ADAR: variants seen among roughly 807,000 people sequenced by gnomAD.
The protein encoded by ADAR is adenosine deaminase RNA specific, also known as double-stranded RNA-specific adenosine deaminase.
A neutral mutation model predicts 113.2 loss-of-function variants in ADAR; 41 were observed. The observed-to-expected ratio is 0.36, with a 90% CI of 0.28 to 0.47. ADAR has a LOEUF of 0.47. Ranked by LOEUF, ADAR falls within the 20% of genes least tolerant of loss-of-function variation. The pLI is 1.00. For synonymous variants in ADAR, 605 were observed against 572.6 expected (o/e 1.06, Z -0.81); for missense variants, 1,242 against 1,540.9 (o/e 0.81, Z 3.25).
chr1:154,589,558 A>G (rs1696985213), intron 8 of ADAR, 96 bp from the exon 9 acceptor site: 1 of 1,274,090 alleles, frequency 7.8e-7, no homozygotes. Context: ...AGGCAGAAAC[A>G]GCCTCAGTTT....
At position 154,584,769 on chromosome 1, in the gene ADAR, G is replaced by A; in HGVS notation, c.*37C>T. The stretch of plus-strand genomic sequence containing the variant: ...TACGACCTACCTCTCTCACACCCTA[G>A]TATGACACACCCTAATCCATCTGTC... On this transcript the variant is annotated 3_prime_UTR_variant, in exon 15 of 15. Transcript: ENST00000368474. The A allele has an allele frequency of 6.5e-7, 1 of 1,548,984 alleles. No individual in the cohort carries two copies. Among genetic ancestry groups the A allele is most frequent in the Non-Finnish European group, 8.9e-7 (1 of 1,121,874 alleles).
At chr1:154,608,386 T>C (rs1350538656), upstream of ADAR, among the ~76,000 whole-genome samples, 5 of 149,704 alleles carry the variant, frequency 3.3e-5, no homozygotes, top group African/African-American at 1.2e-4. Context: ...TGGAGTGCAA[T>C]GGCGCAATCT....
upstream of ADAR, among the ~76,000 whole-genome samples, chr1:154,611,929 T>C (rs1219495832): frequency 6.6e-6 from 1 of 152,242 alleles, no homozygotes; most frequent in Non-Finnish European, 1.5e-5. Context: ...TCCCCACCTA[T>C]AGGAAAGGAC....
intron 2 of ADAR, among the ~76,000 whole-genome samples, chr1:154,599,526 C>T (rs1697722634): frequency 6.6e-6 from 1 of 152,172 alleles, no homozygotes; most frequent in South Asian, 2.1e-4. Context: ...TTTTCTTAAC[C>T]GCTCTCCTGA....
intron 2 of ADAR, among the ~76,000 whole-genome samples, chr1:154,599,225 A>G (rs1274062019): frequency 6.6e-6 from 1 of 152,256 alleles, no homozygotes. Flanking sequence ...CTCTGGACTT[A>G]GCCTAGGCCC....
chr1:154,586,192 G>C lies in ADAR; in HGVS notation c.3191C>G (p.Ser1064Cys). 6.2e-7 allele frequency: 1 copy of C among 1,614,184 alleles called. No homozygotes were observed. The highest frequency in any genetic ancestry group is 1.1e-5 in the South Asian group (1 of 91,078). The part of the protein sequence containing the change: ...THFLQPIYLK[S>C]VTLGYLFSQG... ...GGCAGGCCCCTTACCCAATGTGACA[G>C]ATTTGAGATAAATGGGCTGCAGGAA... Residue 1064 changes from serine (S) to cysteine (C), a missense_variant, in exon 12 of 15, where the codon TCT becomes TGT. Ser to Cys is a moderately radical substitution (Grantham distance 112). Coordinates refer to ENST00000368474, the MANE Select transcript of ADAR (RefSeq NM_001111.5).
In ADAR at chr1:154,598,548, GA is replaced by G; in HGVS notation, c.1638del (p.Pro548GlnfsTer16). The G allele has an allele frequency of 1.2e-6, 2 of 1,614,222 alleles. No homozygotes were observed. Among genetic ancestry groups the G allele is most frequent in the Non-Finnish European group, 1.7e-6 (2 of 1,180,046 alleles). On this transcript the variant is annotated frameshift_variant, in exon 3 of 15. Coordinates refer to ENST00000368474, the MANE Select transcript of ADAR (RefSeq NM_001111.5). LOFTEE classifies it high-confidence loss of function. The stretch of plus-strand genomic sequence containing the variant: ...TTCTTGCTTCCAGCTTCAGCTGGGG[GA>G]AACTCTCGGCCATTGATGACAACCT... ...KFQVVINGRE[F>X]PPAEAGSKKV... is the part of the protein sequence containing the mutation.
At chr1:154,597,045 T>C (rs369680065) in intron 5 of ADAR, 50 bp from the exon 6 acceptor site, 674 of 1,613,966 alleles carry the variant, frequency 4.2e-4, no homozygotes, top group Non-Finnish European at 5.0e-4. Flanking sequence ...TCAGGAAATG[T>C]TGAGGGAGTC....
intron 1 of ADAR, 100 bp from the exon 2 acceptor site, chr1:154,602,726 G>C: frequency 2.1e-6 from 3 of 1,445,776 alleles, no homozygotes; most frequent in East Asian, 2.3e-5. Context: ...CCCTTGAAGG[G>C]CTGAGAAGGC....
chr1:154,618,474 GAATA>G (rs1698696391), intron 1 of ADAR, among the ~76,000 whole-genome samples: 1 of 152,236 alleles, frequency 6.6e-6, no homozygotes, highest in South Asian at 2.1e-4. Context: ...CATTGGATGG[GAATA>G]AATAAAGTTC....
chr1:154,597,969 T>G lies in ADAR; in HGVS notation c.1793A>C (p.Glu598Ala), dbSNP rs746930668. The change falls in exon 4 of 15, where the codon GAG (glutamate) becomes GCG (alanine). Residue 598 changes from glutamate to alanine, a missense_variant. Physicochemically the swap from Glu to Ala is moderately radical, Grantham distance 107. Coordinates refer to ENST00000368474, the MANE Select transcript of ADAR (RefSeq NM_001111.5). ...GGCTGAAGGGGTGGGGGTCTGGGAC[T>G]CTGCAGTCTAGAGAAAATGAGAGAC... ...STEKESEKTA[E>A]SQTPTPSATS... is the part of the protein sequence containing the mutation. 1 of 1,613,876 alleles carries G rather than the reference T, an allele frequency of 6.2e-7. No individual in the cohort carries two copies. The highest frequency in any genetic ancestry group is 2.2e-5 in the East Asian group (1 of 44,880).
chr1:154,627,914 A>ACCCGCCC, exon 1 of ADAR: 1 of 463,324 alleles, frequency 2.2e-6, no homozygotes, highest in Non-Finnish European at 4.2e-6. Context: ...TGCGGCCGCG[A>ACCCGCCC]CCCTCCCCCC....
upstream of ADAR, among the ~76,000 whole-genome samples, chr1:154,609,023 A>G (rs2101675416): frequency 6.6e-6 from 1 of 152,302 alleles, no homozygotes; most frequent in African/African-American, 2.4e-5. Flanking sequence ...CACCAGGCAA[A>G]TGGTTAAGTA....
rs1438656808 is a variant in ADAR, at chr1:154,608,044, G to C, written c.-38C>G. The C allele has an allele frequency of 1.9e-6, 3 of 1,564,596 alleles. No individual in the cohort carries two copies. Among genetic ancestry groups the C allele is most frequent in the Non-Finnish European group, 1.7e-6 (2 of 1,154,528 alleles). Reference sequence around the variant, plus strand: ...GCATTGCCCGGCCCGACCCGCCGGCGGCACGACCCTGGCCCGACCGCTGGG... The same window carrying C: ...GCATTGCCCGGCCCGACCCGCCGGCCGCACGACCCTGGCCCGACCGCTGGG... On this transcript the variant is annotated 5_prime_UTR_variant, in exon 1 of 15. Coordinates refer to ENST00000368474, the MANE Select transcript of ADAR (RefSeq NM_001111.5).
chr1:154,601,070 T>C lies in ADAR; in HGVS notation c.1572A>G (p.Ile524Met). The change falls in exon 2 of 15, where the codon ATA (isoleucine) becomes ATG (methionine). Residue 524 changes from isoleucine to methionine, a missense_variant. Coordinates refer to ENST00000368474, the MANE Select transcript of ADAR (RefSeq NM_001111.5). The surrounding 1 kb of genome is among the most constrained non-coding windows in gnomAD (Gnocchi z 4.7). ...GTTCATGGGGTGGTCCACTCTGCTC[T>C]ATCATGTTGAACTCACAGGTTTGAC... is the stretch of plus-strand genomic sequence containing the variant. ...FASQTCEFNM[I>M]EQSGPPHEPR... 1.9e-6 allele frequency: 3 copies of C among 1,614,230 alleles called. No individual in the cohort carries two copies. Among genetic ancestry groups the C allele is most frequent in the Non-Finnish European group, 2.5e-6 (3 of 1,180,040 alleles).
upstream of ADAR, among the ~76,000 whole-genome samples, chr1:154,610,824 G>GAAAAAAAAAAAAAAAAAA (rs1298389364): frequency 3.1e-5 from 2 of 65,202 alleles, no homozygotes; most frequent in Admixed American, 2.1e-4. Context: ...AAAAAAAAAA[G>GAAAAAAAAAAAAAAAAAA]AAAAAAAAAA....
At chr1:154,590,135 A>AGGGGGGGGGGGGGGGGGGGGGGGGGGGG in intron 7 of ADAR, 49 bp downstream of exon 7, 2 of 1,205,042 alleles carry the variant, frequency 1.7e-6, no homozygotes, top group East Asian at 2.5e-5. Flanking sequence ...CTTAGGAGTT[A>AGGGGGGGGGGGGGGGGGGGGGGGGGGGG]GGAGGACCCC....
At position 154,597,173 on chromosome 1, in the gene ADAR, T is replaced by C. The variant is rs774229039; in HGVS notation, c.2029A>G (p.Met677Val). The change falls in exon 5 of 15, where the codon ATG becomes GTG. Residue 677 changes from methionine to valine, a missense_variant. Around this residue, in one of 2 missense-constraint regions of ADAR, gnomAD observed 780 missense variants for 1,057.9 expected, o/e 0.74. Coordinates refer to ENST00000368474, the MANE Select transcript of ADAR (RefSeq NM_001111.5). The part of the protein sequence containing the change: ...VAKQMAAEEA[M>V]KALHGEATNS... The stretch of plus-strand genomic sequence containing the variant: ...GTCGCCTCCCCATGCAGGGCCTTCA[T>C]GGCTTCCTCTGCGGCCATCTGCTTT... 1.2e-6 allele frequency: 2 copies of C among 1,614,234 alleles called. No individual in the cohort carries two copies. Among genetic ancestry groups the C allele is most frequent in the South Asian group, 1.1e-5 (1 of 91,088 alleles).
At chr1:154,588,294 G>A (rs1696898948) in intron 10 of ADAR, 36 bp from the exon 11 acceptor site, 2 of 1,614,002 alleles carry the variant, frequency 1.2e-6, no homozygotes, top group Non-Finnish European at 8.5e-7. Context: ...ACTCACCTGT[G>A]GGAAATCTGC....
Sources: allele counts gnomAD v4.1 joint callset (sites outside exome capture counted in the v4.1 genomes callset), GRCh38; gene constraint gnomAD v4.1.1; regional missense constraint gnomAD v4.1.1; non-coding constraint Gnocchi (gnomAD v3.1); transcripts MANE v1.5; gene names NCBI Gene and HGNC (gene_info 2026-07-23, HGNC 2026-07-21).